ZDHHC14: variants seen among roughly 807,000 people sequenced by gnomAD.
ZDHHC14 encodes the protein zDHHC palmitoyltransferase 14, also known as palmitoyltransferase ZDHHC14.
A neutral mutation model predicts 47.7 loss-of-function variants in ZDHHC14; 16 were observed. That is an observed-to-expected ratio of 0.34 (90% CI 0.23 to 0.51). ZDHHC14 has a LOEUF of 0.51. Ranked by LOEUF, ZDHHC14 falls within the 20% of genes least tolerant of loss-of-function variation. The probability of loss-of-function intolerance (pLI) is 0.97; values close to 1 mark genes in which losing one functional copy is unlikely to be tolerated. For synonymous variants in ZDHHC14, 293 were observed against 278.9 expected (o/e 1.05, Z -0.50); for missense variants, 515 against 662.5 (o/e 0.78, Z 2.44).
intron 1 of ZDHHC14, among the ~76,000 whole-genome samples, chr6:157,534,133 C>A (rs1381323633): frequency 6.6e-6 from 1 of 152,110 alleles, no homozygotes. Flanking sequence ...AAGCCAGGGT[C>A]AGAGGCAGCT....
intron 1 of ZDHHC14, among the ~76,000 whole-genome samples, chr6:157,447,136 G>T (rs9406297): frequency 3.3e-5 from 5 of 149,694 alleles, no homozygotes; most frequent in African/African-American, 1.0e-4. Context: ...AAGAAAGAAA[G>T]AAAAAAAGAT....
intron 2 of ZDHHC14, among the ~76,000 whole-genome samples, chr6:157,545,539 G>A (rs1490358955): frequency 6.6e-6 from 1 of 152,066 alleles, no homozygotes; most frequent in Non-Finnish European, 1.5e-5. Flanking sequence ...TTAGCCGGGT[G>A]TGGTGGCACA....
At position 157,677,365 on chromosome 6, in the gene ZDHHC14, G is replaced by A. The variant is rs976120899; in HGVS notation, c.*4243G>A. 2.7e-5 allele frequency: 4 copies of A among 146,534 alleles called. No individual in the cohort carries two copies. The highest frequency in any genetic ancestry group is 1.0e-4 in the African/African-American group (4 of 39,684). The allele number at this position is 146,534 out of a possible 1,614,324, so 9.1% of individuals were successfully genotyped here. On this transcript the variant is annotated 3_prime_UTR_variant, in exon 9 of 9. Transcript: ENST00000359775. ...GCGTCTTTTTTTTTTTCAAATAAAT[G>A]TCAAAGATGGTAATAGTTTGTAAAT...
rs182296812 is a variant in ZDHHC14, at chr6:157,456,983, T to C, written c.245+74717T>C. On this transcript the variant is annotated intron_variant, in intron 1 of 8. Transcript: ENST00000359775. The stretch of plus-strand genomic sequence containing the variant: ...GGCCAACATGGTGAAACTCTGTCTC[T>C]ACTAAAAATACAATAATAAATAAAT... 2.3e-3 allele frequency among the ~76,000 whole-genome samples: 272 copies of C among 120,100 alleles called. 1 individual carries two copies. Among genetic ancestry groups the C allele is most frequent in the African/African-American group, 7.9e-3 (259 of 32,656 alleles). The allele number at this position is 120,100 out of a possible 152,430, so 78.8% of individuals were successfully genotyped here.
At chr6:157,520,739 C>A (rs1780882976) in intron 1 of ZDHHC14, among the ~76,000 whole-genome samples, 1 of 152,154 alleles carries the variant, frequency 6.6e-6, no homozygotes. Context: ...CCAGTAGTCA[C>A]CAAAGTCACA....
intron 1 of ZDHHC14, among the ~76,000 whole-genome samples, chr6:157,415,311 C>T (rs1235558160): frequency 6.6e-6 from 1 of 151,862 alleles, no homozygotes; most frequent in African/African-American, 2.4e-5. Context: ...TATCAAAGGG[C>T]TTTGCAAGGG....
intron 3 of ZDHHC14, among the ~76,000 whole-genome samples, chr6:157,598,875 C>T (rs570982398): frequency 2.6e-4 from 40 of 152,240 alleles, no homozygotes; most frequent in African/African-American, 9.1e-4. Context: ...CACTTTCCAG[C>T]GTTCTAAAGG....
chr6:157,448,693 C>T (rs1286167253), intron 1 of ZDHHC14, among the ~76,000 whole-genome samples: 2 of 152,188 alleles, frequency 1.3e-5, no homozygotes, highest in Non-Finnish European at 2.9e-5. Context: ...TCTCCTGCCT[C>T]AGCCTCCTGA....
intron 1 of ZDHHC14, among the ~76,000 whole-genome samples, chr6:157,500,861 T>C (rs1270386149): frequency 1.3e-5 from 2 of 152,262 alleles, no homozygotes; most frequent in Non-Finnish European, 2.9e-5. Flanking sequence ...GCTTGCTTTG[T>C]ATCACCTTTT....
At chr6:157,656,713 A>AC (rs148514359) in intron 8 of ZDHHC14, among the ~76,000 whole-genome samples, 1 of 91,534 alleles carries the variant, frequency 1.1e-5, no homozygotes, top group African/African-American at 5.4e-5. Context: ...TACCAAAAAA[A>AC]AAAAACAAAA....
intron 3 of ZDHHC14, among the ~76,000 whole-genome samples, chr6:157,605,436 C>T (rs113275228): frequency 0.046 from 7,040 of 152,028 alleles, 524 homozygotes; most frequent in African/African-American, 0.16. Context: ...TTCATAATAC[C>T]ATCCTTTATT....
At chr6:157,482,039 C>T (rs1284787009) in intron 1 of ZDHHC14, among the ~76,000 whole-genome samples, 2 of 152,022 alleles carry the variant, frequency 1.3e-5, no homozygotes, top group African/African-American at 2.4e-5. Context: ...TTTTTCATAA[C>T]TTGATCAGTT....
chr6:157,545,044 T>TA (rs1213444970), intron 2 of ZDHHC14, among the ~76,000 whole-genome samples: 1 of 152,228 alleles, frequency 6.6e-6, no homozygotes, highest in Non-Finnish European at 1.5e-5. Context: ...AAAGTATTGA[T>TA]ACAGGCTACA....
At chr6:157,479,395 G>A (rs1199267401) in intron 1 of ZDHHC14, among the ~76,000 whole-genome samples, 1 of 152,112 alleles carries the variant, frequency 6.6e-6, no homozygotes, top group African/African-American at 2.4e-5. Flanking sequence ...CACCACCTTT[G>A]GGATATTGAT....
intron 2 of ZDHHC14, among the ~76,000 whole-genome samples, chr6:157,563,881 G>T (rs1043415489): frequency 6.6e-6 from 1 of 152,218 alleles, no homozygotes; most frequent in Non-Finnish European, 1.5e-5. Flanking sequence ...GTGTGCTCTG[G>T]TGGGCTCATA....
chr6:157,415,351 C>G (rs1777952813), intron 1 of ZDHHC14, among the ~76,000 whole-genome samples: 1 of 152,122 alleles, frequency 6.6e-6, no homozygotes, highest in Admixed American at 6.5e-5. Context: ...AAAATCACCA[C>G]TCTCAGACAA....
chr6:157,416,784 C>T (rs1463233334), intron 1 of ZDHHC14, among the ~76,000 whole-genome samples: 2 of 148,544 alleles, frequency 1.3e-5, no homozygotes, highest in South Asian at 2.1e-4. Flanking sequence ...TTGCCACTCC[C>T]GAGTTGTAGC....
intron 1 of ZDHHC14, among the ~76,000 whole-genome samples, chr6:157,462,596 G>A (rs1779116675): frequency 6.6e-6 from 1 of 152,268 alleles, no homozygotes; most frequent in Non-Finnish European, 1.5e-5. Context: ...TCTGGCTTCA[G>A]AGGATCTCTT....
At chr6:157,395,591 C>T (rs886128184) in intron 1 of ZDHHC14, among the ~76,000 whole-genome samples, 1 of 152,104 alleles carries the variant, frequency 6.6e-6, no homozygotes, top group African/African-American at 2.4e-5. Context: ...GTCAGAAGAT[C>T]GAGACCATCC....
Sources: gnomAD v4.1 joint callset for allele counts (sites outside exome capture counted in the v4.1 genomes callset) on GRCh38, gnomAD v4.1.1 for gene constraint, MANE v1.5 for transcripts, NCBI Gene and HGNC (gene_info 2026-07-23, HGNC 2026-07-21) for gene names.